Variants in TCEANC2 observed in about 807,000 individuals in gnomAD.
TCEANC2 encodes the protein transcription elongation factor A N-terminal and central domain-containing protein 2.
In TCEANC2, 20 loss-of-function variants were observed where a neutral mutation model predicts 22.8. The ratio of observed to expected loss-of-function variants is 0.88; its 90% CI spans 0.62 to 1.28. TCEANC2 has a LOEUF of 1.28. Ranked by LOEUF, TCEANC2 falls within the 50% of genes most tolerant of loss-of-function variation. The pLI, the probability that TCEANC2 is intolerant of heterozygous loss-of-function variation, is 0.00. For synonymous variants in TCEANC2, 84 were observed against 95.5 expected (o/e 0.88, Z 0.70); for missense variants, 251 against 249.7 (o/e 1.01, Z -0.03).
rs140629736 is a variant in TCEANC2 at position 54,100,064 on chromosome 1, CCTTG to C, written c.*3593_*3596del. 4 of 152,126 alleles carry C rather than the reference CCTTG, an allele frequency of 2.6e-5. No individual in the cohort carries two copies. The highest frequency in any genetic ancestry group is 5.9e-5 in the Non-Finnish European group (4 of 68,068). 9.4% of individuals were successfully genotyped at this position (152,126 alleles called of 1,614,324 possible). A position where few individuals can be genotyped will look rare whatever the true frequency, so the allele number is the denominator to read the frequency against. ...GACCAACCTGGCCAACATGGTGAAA[CCTTG>C]CCTGTACTAAAAATACAAAAATTAG... On this transcript the variant is annotated 3_prime_UTR_variant, in exon 5 of 5. Coordinates refer to ENST00000234827, the MANE Select transcript of TCEANC2 (RefSeq NM_153035.3).
intron 3 of TCEANC2, among the ~76,000 whole-genome samples, chr1:54,078,174 G>A (rs1032585536): frequency 1.3e-5 from 2 of 151,800 alleles, no homozygotes; most frequent in African/African-American, 2.4e-5. Context: ...GTCTGTTCAT[G>A]TTCTTTGTAC....
chr1:54,101,210 G>A lies in TCEANC2; in HGVS notation c.*4737G>A, dbSNP rs1658656651. ...GAGATTGGTAATGTGTTTTGAATGT[G>A]TTTATCACAGCCAGATGGGGCAAAG... On this transcript the variant is annotated 3_prime_UTR_variant, in exon 5 of 5. Coordinates refer to ENST00000234827, the MANE Select transcript of TCEANC2 (RefSeq NM_153035.3). The A allele has an allele frequency of 6.6e-6, 1 of 152,168 alleles. No homozygotes were observed. Among genetic ancestry groups the A allele is most frequent in the Non-Finnish European group, 1.5e-5 (1 of 68,036 alleles). The allele number at this position is 152,168 out of a possible 1,614,324, so 9.4% of individuals were successfully genotyped here. A position where few individuals can be genotyped will look rare whatever the true frequency, so the allele number is the denominator to read the frequency against.
chr1:54,108,047 G>A (rs764554728), downstream of TCEANC2, among the ~76,000 whole-genome samples: 33 of 152,204 alleles, frequency 2.2e-4, no homozygotes, highest in Non-Finnish European at 4.7e-4. Context: ...TGAACTCAGA[G>A]CTAATAGCCC....
At chr1:54,074,055 A>G (rs1658103112) in intron 3 of TCEANC2, among the ~76,000 whole-genome samples, 1 of 152,202 alleles carries the variant, frequency 6.6e-6, no homozygotes, top group Admixed American at 6.5e-5. Flanking sequence ...TCTGTGGAAC[A>G]TCCCAAAAGA....
At chr1:54,070,853 T>G (rs1658043192) in intron 3 of TCEANC2, among the ~76,000 whole-genome samples, 1 of 152,228 alleles carries the variant, frequency 6.6e-6, no homozygotes, top group South Asian at 2.1e-4. Context: ...TTGTCCTGCC[T>G]TTTTGGAGCC....
At chr1:54,080,898 A>G (rs1658232404) in intron 3 of TCEANC2, among the ~76,000 whole-genome samples, 1 of 152,236 alleles carries the variant, frequency 6.6e-6, no homozygotes, top group African/African-American at 2.4e-5. Flanking sequence ...TTTGCAGATC[A>G]TTAACTTCCT....
Position 54,088,791 on chromosome 1 carries a change from G to T in TCEANC2, c.438+1G>T, listed in dbSNP as rs759898057. 3 of 1,571,342 alleles carry T rather than the reference G, an allele frequency of 1.9e-6. No individual in the cohort carries two copies. The highest frequency in any genetic ancestry group is 1.7e-6 in the Non-Finnish European group (2 of 1,161,378). The stretch of plus-strand genomic sequence containing the variant: ...ACTCTCAGAAGCCTTGGAATTAAAG[G>T]TAATGCCCTAAATATATACAACTGT... On this transcript the variant is annotated splice_donor_variant, in intron 4 of 4. Coordinates refer to ENST00000234827, the MANE Select transcript of TCEANC2 (RefSeq NM_153035.3). LOFTEE classifies it high-confidence loss of function.
rs1314951541 is a variant in TCEANC2 at position 54,088,671 on chromosome 1, T to G, written c.319T>G (p.Trp107Gly). The G allele has an allele frequency of 1.2e-6, 2 of 1,610,696 alleles. No homozygotes were observed. Among genetic ancestry groups the G allele is most frequent in the Non-Finnish European group, 1.7e-6 (2 of 1,179,030 alleles). The change falls in exon 4 of 5, where the codon TGG becomes GGG. Residue 107 changes from tryptophan (W) to glycine (G), a missense_variant. By Grantham distance (184) the Trp-to-Gly change is radical. Transcript: ENST00000234827. ...ASLAREVYTE[W>G]KTFTEKHSNR... ...TCTTGCCAGAGAAGTTTACACTGAG[T>G]GGAAAACTTTCACTGAAAAACATTC...
At chr1:54,072,608 G>C (rs1658077747) in intron 3 of TCEANC2, among the ~76,000 whole-genome samples, 1 of 152,062 alleles carries the variant, frequency 6.6e-6, no homozygotes, top group South Asian at 2.1e-4. Flanking sequence ...TGTTGGTCAG[G>C]ATGGTCTCGA....
At chr1:54,095,086 A>G (rs1658520929) in intron 4 of TCEANC2, among the ~76,000 whole-genome samples, 1 of 152,224 alleles carries the variant, frequency 6.6e-6, no homozygotes, top group Admixed American at 6.5e-5. Flanking sequence ...TTGAGCCTGC[A>G]GTAAGCTTTG....
At chr1:54,054,024 G>T in intron 1 of TCEANC2, 1 of 246,496 alleles carries the variant, frequency 4.1e-6, no homozygotes, top group East Asian at 7.7e-5. Context: ...GGGCGTCACT[G>T]AGCCTAATGT....
At chr1:54,054,318 T>G (rs768798244) in intron 1 of TCEANC2, 63 bp from the exon 2 acceptor site, 1 of 1,530,700 alleles carries the variant, frequency 6.5e-7, no homozygotes, top group Non-Finnish European at 8.8e-7. Flanking sequence ...TGTGTTACTT[T>G]GGGGAAAAAA....
intron 2 of TCEANC2, among the ~76,000 whole-genome samples, chr1:54,067,398 A>C (rs1252126685): frequency 6.6e-6 from 1 of 152,242 alleles, no homozygotes; most frequent in East Asian, 1.9e-4. Context: ...CAGTGCCCAC[A>C]GTATGGGAAC....
chr1:54,073,291 G>C (rs147704373), intron 3 of TCEANC2, among the ~76,000 whole-genome samples: 1 of 152,160 alleles, frequency 6.6e-6, no homozygotes, highest in Non-Finnish European at 1.5e-5. Flanking sequence ...TAGGAATTCT[G>C]TGGGGCTAAA....
At chr1:54,106,861 A>AT (rs1658765523), downstream of TCEANC2, among the ~76,000 whole-genome samples, 1 of 152,094 alleles carries the variant, frequency 6.6e-6, no homozygotes, top group Non-Finnish European at 1.5e-5. Context: ...CCCTTGCCTG[A>AT]TTTTTTTAAA....
At chr1:54,069,472 G>A (rs943513260) in intron 3 of TCEANC2, among the ~76,000 whole-genome samples, 1 of 152,080 alleles carries the variant, frequency 6.6e-6, no homozygotes, top group Admixed American at 6.6e-5. Flanking sequence ...GCCAGACATG[G>A]TGGTCCGTGC....
chr1:54,096,210 G>GAGTGCTCC lies in TCEANC2; in HGVS notation c.439-72_439-65dup. 6.6e-7 allele frequency: 1 copy of GAGTGCTCC among 1,504,688 alleles called. No homozygotes were observed. Among genetic ancestry groups the GAGTGCTCC allele is most frequent in the Non-Finnish European group, 8.9e-7 (1 of 1,117,962 alleles). The allele number at this position is 1,504,688 out of a possible 1,614,324, so 93.2% of individuals were successfully genotyped here. A position where few individuals can be genotyped will look rare whatever the true frequency, so the allele number is the denominator to read the frequency against. ...GTTGATTAATGGAGGCCTCTGAGCA[G>GAGTGCTCC]AGTGCTCCAGCCTCTCTTGCTTTTA... On this transcript the variant is annotated intron_variant, in intron 4 of 4. Coordinates refer to ENST00000234827, the MANE Select transcript of TCEANC2 (RefSeq NM_153035.3). The surrounding 1 kb of genome is among the most constrained non-coding windows in gnomAD (Gnocchi z 4.9).
intron 2 of TCEANC2, among the ~76,000 whole-genome samples, chr1:54,067,975 T>C (rs967169439): frequency 1.3e-5 from 2 of 152,204 alleles, no homozygotes; most frequent in African/African-American, 4.8e-5. Flanking sequence ...CACTTTACTT[T>C]TTAAAAAATT....
In TCEANC2 at chr1:54,104,524, G is replaced by C. The variant is rs779401253; in HGVS notation, c.*8051G>C. The stretch of plus-strand genomic sequence containing the variant: ...CAGTTGATTCACGTGGAGACTTCTT[G>C]GTATTCCTTTGCCCAATTTTTTTTT... On this transcript the variant is annotated 3_prime_UTR_variant, in exon 5 of 5. Transcript: ENST00000234827. 1.1e-5 allele frequency: 5 copies of C among 445,300 alleles called. No homozygotes were observed. Among genetic ancestry groups the C allele is most frequent in the South Asian group, 8.1e-5 (5 of 61,354 alleles). The allele number at this position is 445,300 out of a possible 1,614,324, so 27.6% of individuals were successfully genotyped here.
Sources: allele counts gnomAD v4.1 joint callset (sites outside exome capture counted in the v4.1 genomes callset), GRCh38; gene constraint gnomAD v4.1.1; non-coding constraint Gnocchi (gnomAD v3.1); transcripts MANE v1.5; gene names NCBI Gene and HGNC (gene_info 2026-07-23, HGNC 2026-07-21).